Variants in GTF3C1 observed in about 807,000 individuals in gnomAD.
The protein encoded by GTF3C1 is general transcription factor 3C polypeptide 1.
GTF3C1 carries 57 observed loss-of-function variants against 226.7 expected under a neutral mutation model. The ratio of observed to expected loss-of-function variants is 0.25; its 90% CI spans 0.20 to 0.31. The LOEUF is 0.31. Among genes scored for constraint, GTF3C1 ranks in the 10% least tolerant of loss-of-function variants. GTF3C1 has a pLI of 1.00. For synonymous variants in GTF3C1, 1,090 were observed against 1,084.8 expected, an observed-to-expected ratio of 1.00 and a Z score of -0.09; for missense variants, 2,217 against 2,776.1, an observed-to-expected ratio of 0.80 and a Z score of 4.53.
At chr16:27,544,167 T>C (rs936234980) in intron 2 of GTF3C1, among the ~76,000 whole-genome samples, 2 of 151,884 alleles carry the variant, frequency 1.3e-5, no homozygotes, top group African/African-American at 4.8e-5. Context: ...GATAGGAGGA[T>C]TGCTTGAGCC....
rs2088203325 is a variant in GTF3C1, at chr16:27,489,680, C to T, written c.3215G>A (p.Gly1072Asp). The change falls in exon 20 of 37, where the codon GGC (glycine) becomes GAC (aspartate). Residue 1072 changes from glycine (G) to aspartate (D), a missense_variant. By Grantham distance (94) the Gly-to-Asp change is moderately conservative. Transcript: ENST00000356183. ...GCTCTCCTGCTCCTTCTGCAGGCTG[C>T]CCTCCTCGTCGCTGCCCTGGTCTGT... ...SSTDQGSDEE[G>D]SLQKEQESAM... 1.2e-6 allele frequency: 2 copies of T among 1,611,576 alleles called. No individual in the cohort carries two copies. Among genetic ancestry groups the T allele is most frequent in the Non-Finnish European group, 1.7e-6 (2 of 1,179,378 alleles).
chr16:27,488,405 C>A lies in GTF3C1; in HGVS notation c.3522G>T (p.Arg1174Ser). 1 of 1,611,108 alleles carries A rather than the reference C, an allele frequency of 6.2e-7. No individual in the cohort carries two copies. Among genetic ancestry groups the A allele is most frequent in the Non-Finnish European group, 8.5e-7 (1 of 1,177,308 alleles). Residue 1174 changes from arginine to serine, a missense_variant, in exon 23 of 37, where the codon AGG (arginine) becomes AGT (serine). Arg to Ser is a moderately radical substitution (Grantham distance 110, BLOSUM62 -1). Transcript: ENST00000356183. Reference sequence around the variant, plus strand: ...CTCTTGCTTCCCCCCAAATATTCAACCTGCTGTTGCCTAGACATAATCACA... The same window carrying A: ...CTCTTGCTTCCCCCCAAATATTCAAACTGCTGTTGCCTAGACATAATCACA... ...PMPLSARGNS[R>S]LNIWGEARVG...
In GTF3C1 at chr16:27,495,296, G is replaced by A; in HGVS notation, c.2547C>T (p.Ala849=). The stretch of plus-strand genomic sequence containing the variant: ...ATGGGGCTTCAGAGCAGGCCTCCCA[G>A]GCACTTCCAGAGGAGGACGGCCGGA... ...AGVRPSSSGS[A]WEACSEAPSK... is the part of the protein sequence containing the mutation. Residue 849 remains alanine, a synonymous_variant, in exon 15 of 37, where the codon GCC becomes GCT. Coordinates refer to ENST00000356183, the MANE Select transcript of GTF3C1 (RefSeq NM_001520.4). The A allele has an allele frequency of 6.2e-7, 1 of 1,612,828 alleles. No homozygotes were observed. The highest frequency in any genetic ancestry group is 1.1e-5 in the South Asian group (1 of 91,048).
intron 21 of GTF3C1, 91 bp downstream of exon 21, chr16:27,488,952 C>T: frequency 8.3e-7 from 1 of 1,206,500 alleles, no homozygotes; most frequent in East Asian, 2.3e-5. Context: ...CAAACGGAAG[C>T]CAGTATTTGT....
intron 2 of GTF3C1, among the ~76,000 whole-genome samples, chr16:27,543,786 T>C (rs1213824651): frequency 6.6e-6 from 1 of 152,162 alleles, no homozygotes; most frequent in African/African-American, 2.4e-5. Flanking sequence ...AGGAAGCCAC[T>C]GGCACAAAAG....
chr16:27,464,154 C>A (rs2087746169), intron 34 of GTF3C1, 166 bp downstream of exon 34: 1 of 467,220 alleles, frequency 2.1e-6, no homozygotes, highest in Admixed American at 4.2e-5. Context: ...CATTTACAGG[C>A]AGTATCCTCC....
intron 1 of GTF3C1, among the ~76,000 whole-genome samples, chr16:27,548,122 G>A (rs2089189759): frequency 6.6e-6 from 1 of 152,120 alleles, no homozygotes; most frequent in South Asian, 2.1e-4. Context: ...GTTGTATTAA[G>A]GATCTTAGCA....
In GTF3C1 at chr16:27,464,841, G is replaced by C; in HGVS notation, c.5356-5C>G. The C allele has an allele frequency of 6.7e-7, 1 of 1,502,282 alleles. No individual in the cohort carries two copies. The highest frequency in any genetic ancestry group is 8.8e-7 in the Non-Finnish European group (1 of 1,134,668). 93.1% of individuals were successfully genotyped at this position (1,502,282 alleles called of 1,614,324 possible). A position where few individuals can be genotyped will look rare whatever the true frequency, so the allele number is the denominator to read the frequency against. Reference sequence around the variant, plus strand: ...CTGATGCTGCTCCAGGAGGGCCTGGGGAGGCAGGAGACACGCGGGGTCTGT... The same window carrying C: ...CTGATGCTGCTCCAGGAGGGCCTGGCGAGGCAGGAGACACGCGGGGTCTGT... On this transcript the variant is annotated splice_region_variant and splice_polypyrimidine_tract_variant and intron_variant, in intron 33 of 36. Transcript: ENST00000356183.
chr16:27,499,786 A>G (rs1398738017), intron 12 of GTF3C1, among the ~76,000 whole-genome samples: 1 of 152,218 alleles, frequency 6.6e-6, no homozygotes, highest in Non-Finnish European at 1.5e-5. Context: ...AAGACACAGG[A>G]GCAAAGGCAA....
intron 33 of GTF3C1, 35 bp from the exon 34 acceptor site, chr16:27,464,871 A>T: frequency 6.8e-7 from 1 of 1,475,266 alleles, no homozygotes; most frequent in Non-Finnish European, 8.9e-7. Flanking sequence ...GTCTGTGGGG[A>T]GCTCGGGATC....
chr16:27,503,813 C>T (rs375931884), intron 10 of GTF3C1, among the ~76,000 whole-genome samples: 1 of 152,154 alleles, frequency 6.6e-6, no homozygotes. Flanking sequence ...CTTATGGTAG[C>T]CCCAGGGCAT....
intron 29 of GTF3C1, among the ~76,000 whole-genome samples, chr16:27,475,094 C>T (rs989111626): frequency 6.6e-6 from 1 of 152,240 alleles, no homozygotes; most frequent in Non-Finnish European, 1.5e-5. Context: ...CCTCCCTGCC[C>T]CGCTGTGGCC....
At position 27,535,938 on chromosome 16, in the gene GTF3C1, C is replaced by A. The variant is rs185026715; in HGVS notation, c.752+1846G>T. ...TAAACCTTGACTAACACCATGGGAC[C>A]CACACAAAGTGCCACTAGTGATGCT... On this transcript the variant is annotated intron_variant, in intron 4 of 36. Transcript: ENST00000356183. Among the ~76,000 whole-genome samples, 16 of 152,278 alleles carry A rather than the reference C, an allele frequency of 1.1e-4. No homozygotes were observed. The East Asian group carries it at 3.1e-3, about 29-fold the overall frequency.
chr16:27,469,409 G>A lies in GTF3C1; in HGVS notation c.4956C>T (p.Tyr1652=), dbSNP rs760991748. Residue 1652 remains tyrosine (Y), a synonymous_variant, in exon 32 of 37, where the codon TAC becomes TAT. Transcript: ENST00000356183. This position sits in a 1 kb window ranked among gnomAD's most constrained non-coding sequence, Gnocchi z 4.5. ...HTNYLLMRGY[Y]SPGIVSTRNL... ...TGCGGGTGCTGACGATGCCGGGGGA[G>A]TAGTAGCCCCTCATCAGCAGGTAGT... The A allele has an allele frequency of 3.7e-6, 6 of 1,613,948 alleles. No homozygotes were observed. In the African/African-American group the frequency reaches 8.0e-5, roughly 22 times the overall value.
chr16:27,522,579 C>A (rs958478508), intron 6 of GTF3C1, among the ~76,000 whole-genome samples: 1 of 152,342 alleles, frequency 6.6e-6, no homozygotes, highest in African/African-American at 2.4e-5. Flanking sequence ...TGTTTTAGCT[C>A]TCTGGGTCCC....
chr16:27,486,224 GCAGGTTCCCT>G lies in GTF3C1; in HGVS notation c.3701-80_3701-71del. ...TTTGGAGCTGTCACTCTGCAGAGGG[GCAGGTTCCCT>G]ACCCAGCCAGTGAGATGTGACTAAT... On this transcript the variant is annotated intron_variant, in intron 23 of 36. Coordinates refer to ENST00000356183, the MANE Select transcript of GTF3C1 (RefSeq NM_001520.4). 8.3e-6 allele frequency: 7 copies of G among 844,762 alleles called. No homozygotes were observed. In the Middle Eastern group the frequency reaches 7.0e-4, roughly 84 times the overall value. 52.3% of individuals were successfully genotyped at this position (844,762 alleles called of 1,614,324 possible).
intron 6 of GTF3C1, among the ~76,000 whole-genome samples, chr16:27,514,900 C>T (rs572050804): frequency 2.7e-4 from 41 of 152,230 alleles, no homozygotes; most frequent in Admixed American, 1.1e-3. Context: ...AAGAGCGGCG[C>T]GGCGCCAGGG....
Position 27,486,121 on chromosome 16 carries a change from C to G in GTF3C1, c.3734G>C (p.Arg1245Pro). ...ACTCTGGTCGGCTTCATCATGGTAGCGCAGCCTTTTGCTTTTTTCTCCTGG... is the reference window on the plus strand; with the variant it reads ...ACTCTGGTCGGCTTCATCATGGTAGGGCAGCCTTTTGCTTTTTTCTCCTGG... ...EFPGEKSKRL[R>P]YHDEADQSAL... The change falls in exon 24 of 37, where the codon CGC becomes CCC. Residue 1245 changes from arginine (R) to proline (P), a missense_variant. This residue lies in a region of GTF3C1 where 546 missense variants were observed against 663.0 expected (regional missense o/e 0.82). Coordinates refer to ENST00000356183, the MANE Select transcript of GTF3C1 (RefSeq NM_001520.4). 6.2e-7 allele frequency: 1 copy of G among 1,607,832 alleles called. No individual in the cohort carries two copies. Among genetic ancestry groups the G allele is most frequent in the South Asian group, 1.1e-5 (1 of 90,768 alleles).
At position 27,489,614 on chromosome 16, in the gene GTF3C1, A is replaced by C; in HGVS notation, c.3281T>G (p.Leu1094Arg). The C allele has an allele frequency of 3.7e-6, 6 of 1,609,026 alleles. No homozygotes were observed. In the South Asian group the frequency reaches 6.6e-5, roughly 18 times the overall value. The part of the protein sequence containing the change: ...KHNLERKCAM[L>R]EYTTGSREVV... ...GACGGACACGCACGTGGTGTACTCC[A>C]GCATGGCGCACTTGCGCTCCAGGTT... The change falls in exon 20 of 37, where the codon CTG becomes CGG. Residue 1094 changes from leucine (L) to arginine (R), a missense_variant. Coordinates refer to ENST00000356183, the MANE Select transcript of GTF3C1 (RefSeq NM_001520.4).
Sources: gnomAD v4.1 joint callset for allele counts (sites outside exome capture counted in the v4.1 genomes callset) on GRCh38, gnomAD v4.1.1 for gene constraint, gnomAD v4.1.1 regional missense constraint, Gnocchi (gnomAD v3.1) non-coding constraint, MANE v1.5 for transcripts, NCBI Gene and HGNC (gene_info 2026-07-23, HGNC 2026-07-21) for gene names.